PRKCZ: variants seen among roughly 807,000 people sequenced by gnomAD.
PRKCZ encodes protein kinase C zeta.
Under a neutral mutation model 79.5 loss-of-function variants are expected in PRKCZ, and 33 were observed. The observed-to-expected ratio is 0.41, with a 90% confidence interval of 0.31 to 0.55. The LOEUF (loss-of-function observed/expected upper bound fraction) is 0.55, where lower values mean the gene tolerates loss of function less well. PRKCZ is among the 20% of genes least tolerant of loss of function. The pLI is 0.19. For missense variants in PRKCZ, 578 were observed against 813.5 expected (o/e 0.71, Z 3.52); for synonymous variants, 342 against 320.9 (o/e 1.07, Z -0.70).
chr1:2,080,779 C>T (rs545677337), intron 4 of PRKCZ, among the ~76,000 whole-genome samples: 22 of 152,304 alleles, frequency 1.4e-4, no homozygotes, highest in South Asian at 6.2e-4. Flanking sequence ...GGCACTTGGC[C>T]GTCACGTCTC....
At chr1:2,184,410 A>G in intron 16 of PRKCZ, 173 bp from the exon 17 acceptor site, 2 of 579,268 alleles carry the variant, frequency 3.5e-6, no homozygotes, top group South Asian at 2.2e-5. Flanking sequence ...CTGACTTTGG[A>G]TATTTTCTAG....
intron 5 of PRKCZ, among the ~76,000 whole-genome samples, chr1:2,138,901 G>A (rs930581071): frequency 5.3e-5 from 8 of 152,180 alleles, no homozygotes; most frequent in East Asian, 3.9e-4. Context: ...GCCACTGGGC[G>A]ACAGAGTGAG....
At position 2,173,458 on chromosome 1, in the gene PRKCZ, A is replaced by G. The variant is rs955701739; in HGVS notation, c.1286-439A>G. Among the ~76,000 whole-genome samples, 3 of 152,216 alleles carry G rather than the reference A, an allele frequency of 2.0e-5. No homozygotes were observed. Among genetic ancestry groups the G allele is most frequent in the Non-Finnish European group, 4.4e-5 (3 of 68,040 alleles). On this transcript the variant is annotated intron_variant, in intron 13 of 17. Transcript: ENST00000378567. This position sits in a 1 kb window ranked among gnomAD's most constrained non-coding sequence, Gnocchi z 5.7. ...TCCCACCCCTCATTCGCTGGAACAC[A>G]TTCCCAACAGGTTGACTACTTGAAC...
At chr1:2,057,767 CTA>C (rs1301719400) in intron 3 of PRKCZ, among the ~76,000 whole-genome samples, 1 of 152,142 alleles carries the variant, frequency 6.6e-6, no homozygotes, top group Non-Finnish European at 1.5e-5. Context: ...TGCAGTGGCA[CTA>C]TCTCTGTTCA....
Position 2,125,646 on chromosome 1 carries a change from C to T in PRKCZ, c.335-9616C>T, listed in dbSNP as rs909431028. Reference sequence around the variant, plus strand: ...GGGAACCCAAGAAAAGACTGAGACCCTGTGGTGCCTCCCGCTTTCCATCCG... The same window carrying T: ...GGGAACCCAAGAAAAGACTGAGACCTTGTGGTGCCTCCCGCTTTCCATCCG... On this transcript the variant is annotated intron_variant, in intron 4 of 17. Transcript: ENST00000378567. The surrounding 1 kb of genome is among the most constrained non-coding windows in gnomAD (Gnocchi z 4.2). Among the ~76,000 whole-genome samples, 3 of 152,230 alleles carry T rather than the reference C, an allele frequency of 2.0e-5. No individual in the cohort carries two copies. The highest frequency in any genetic ancestry group is 7.2e-5 in the African/African-American group (3 of 41,466).
At chr1:2,121,868 G>A (rs906122707) in intron 4 of PRKCZ, among the ~76,000 whole-genome samples, 4 of 13,730 alleles carry the variant, frequency 2.9e-4, no homozygotes, top group Admixed American at 5.2e-4. Flanking sequence ...GGGTCGTGGT[G>A]GTTAGGGTCA....
intron 1 of PRKCZ, chr1:2,050,930 C>G (rs1282714107): frequency 4.3e-5 from 16 of 374,780 alleles, no homozygotes; most frequent in Non-Finnish European, 7.6e-5. Context: ...GGGGTCGGCC[C>G]CGCGCCGCGA....
rs115607539 is a variant in PRKCZ, at chr1:2,064,563, C to G, written c.334+4972C>G. Reference sequence around the variant, plus strand: ...TTTGTATGTGGTGTAAGGTAAGCATCTAACTTCATTCCTTTGCATGTGGAG... The same window carrying G: ...TTTGTATGTGGTGTAAGGTAAGCATGTAACTTCATTCCTTTGCATGTGGAG... On this transcript the variant is annotated intron_variant, in intron 4 of 17. Transcript: ENST00000378567. Among the ~76,000 whole-genome samples, 1,226 of 152,334 alleles carry G rather than the reference C, an allele frequency of 8.0e-3. 16 individuals carry two copies. Among genetic ancestry groups the G allele is most frequent in the African/African-American group, 0.027 (1,133 of 41,560 alleles).
At chr1:2,050,731 C>T in intron 1 of PRKCZ, 30 bp downstream of exon 1, 1 of 311,242 alleles carries the variant, frequency 3.2e-6, no homozygotes, top group Non-Finnish European at 5.0e-6. Flanking sequence ...GGGAGCGGCG[C>T]GGGTGAGGCA....
In PRKCZ at chr1:2,178,949, A is replaced by G. The variant is rs1037036481; in HGVS notation, c.1575+3636A>G. Reference sequence around the variant, plus strand: ...CCCCAAAGCCGCCCCCTCCTTGCCTATCCCCAGCTGAACCAGCACCACTCA... The same window carrying G: ...CCCCAAAGCCGCCCCCTCCTTGCCTGTCCCCAGCTGAACCAGCACCACTCA... On this transcript the variant is annotated intron_variant, in intron 16 of 17. Transcript: ENST00000378567. This position sits in a 1 kb window ranked among gnomAD's most constrained non-coding sequence, Gnocchi z 4.3. Among the ~76,000 whole-genome samples, 1 of 152,038 alleles carries G rather than the reference A, an allele frequency of 6.6e-6. No homozygotes were observed. Among genetic ancestry groups the G allele is most frequent in the South Asian group, 2.1e-4 (1 of 4,816 alleles).
intron 4 of PRKCZ, among the ~76,000 whole-genome samples, chr1:2,084,884 T>G (rs1017850895): frequency 2.0e-5 from 3 of 152,024 alleles, no homozygotes; most frequent in Non-Finnish European, 2.9e-5. Context: ...GGTGCACACC[T>G]GTCGTTCCAG....
chr1:2,171,932 C>G (rs1256755424), intron 11 of PRKCZ, 123 bp from the exon 12 acceptor site: 1 of 1,240,518 alleles, frequency 8.1e-7, no homozygotes, highest in Admixed American at 2.7e-5. Flanking sequence ...AATCCTGGGC[C>G]TGGTCATTGA....
Position 2,173,478 on chromosome 1 carries a change from T to A in PRKCZ, c.1286-419T>A, listed in dbSNP as rs1320850021. On this transcript the variant is annotated intron_variant, in intron 13 of 17. Coordinates refer to ENST00000378567, the MANE Select transcript of PRKCZ (RefSeq NM_002744.6). This position sits in a 1 kb window ranked among gnomAD's most constrained non-coding sequence, Gnocchi z 5.7. The stretch of plus-strand genomic sequence containing the variant: ...AACACATTCCCAACAGGTTGACTAC[T>A]TGAACCTTTTTAAAAAACAAAATGG... Among the ~76,000 whole-genome samples, 1 of 152,200 alleles carries A rather than the reference T, an allele frequency of 6.6e-6. No individual in the cohort carries two copies. Among genetic ancestry groups the A allele is most frequent in the Non-Finnish European group, 1.5e-5 (1 of 68,040 alleles).
chr1:2,054,335 G>A (rs1045094426), intron 1 of PRKCZ, among the ~76,000 whole-genome samples: 4 of 152,084 alleles, frequency 2.6e-5, no homozygotes, highest in African/African-American at 4.8e-5. Flanking sequence ...TGTGATTCCC[G>A]CTCTGAGTTT....
chr1:2,163,900 A>G (rs1430246604), intron 10 of PRKCZ, among the ~76,000 whole-genome samples: 1 of 152,042 alleles, frequency 6.6e-6, no homozygotes, highest in Non-Finnish European at 1.5e-5. Flanking sequence ...CTCCATCTCA[A>G]AAAAAAGAAA....
At chr1:2,161,821 TA>T (rs377370565) in intron 10 of PRKCZ, among the ~76,000 whole-genome samples, 7 of 152,078 alleles carry the variant, frequency 4.6e-5, no homozygotes, top group Admixed American at 1.3e-4. Context: ...TGAGCAGGGA[TA>T]GGGGTGGCAG....
At chr1:2,148,643 G>A (rs1218013634) in intron 7 of PRKCZ, among the ~76,000 whole-genome samples, 13 of 152,352 alleles carry the variant, frequency 8.5e-5, no homozygotes, top group Admixed American at 7.2e-4. Flanking sequence ...CCCTGGGGAC[G>A]TATGTCACGA....
At chr1:2,090,580 G>C (rs552783582) in intron 4 of PRKCZ, among the ~76,000 whole-genome samples, 1 of 152,240 alleles carries the variant, frequency 6.6e-6, no homozygotes, top group African/African-American at 2.4e-5. Context: ...CCCTGGGCTG[G>C]TTTTGAAGAA....
At chr1:2,171,693 C>T (rs930262899) in intron 11 of PRKCZ, 3 of 201,416 alleles carry the variant, frequency 1.5e-5, no homozygotes, top group South Asian at 1.0e-4. Flanking sequence ...GAGGACCTGC[C>T]GGACTGTCTT....
Sources: allele counts gnomAD v4.1 joint callset (sites outside exome capture counted in the v4.1 genomes callset), GRCh38; gene constraint gnomAD v4.1.1; non-coding constraint Gnocchi (gnomAD v3.1); transcripts MANE v1.5; gene names NCBI Gene and HGNC (gene_info 2026-07-23, HGNC 2026-07-21).